Variants in LMBR1 observed in about 807,000 individuals in gnomAD.
The protein encoded by LMBR1 is limb region 1 protein homolog.
LMBR1 carries 52 observed loss-of-function variants against 73.9 expected under a neutral mutation model. The observed-to-expected ratio is 0.70, with a 90% CI of 0.56 to 0.89. LMBR1 has a LOEUF of 0.89. Among genes scored for constraint, LMBR1 ranks in the 40% least tolerant of loss-of-function variants. The pLI, the probability that LMBR1 is intolerant of heterozygous loss-of-function variation, is 0.00. For synonymous variants in LMBR1, 215 were observed against 209.4 expected, an observed-to-expected ratio of 1.03 and a Z score of -0.23; for missense variants, 539 against 579.8, an observed-to-expected ratio of 0.93 and a Z score of 0.72.
At chr7:156,891,209 AAAATATATAT>A (rs1475385185) in intron 1 of LMBR1, among the ~76,000 whole-genome samples, 53 of 89,346 alleles carry the variant, frequency 5.9e-4, no homozygotes, top group South Asian at 1.1e-3. Flanking sequence ...AAAAAAAAAA[AAAATATATAT>A]ATATATATAT....
At chr7:156,713,889 T>C (rs1302097062) in intron 15 of LMBR1, among the ~76,000 whole-genome samples, 1 of 152,206 alleles carries the variant, frequency 6.6e-6, no homozygotes, top group Admixed American at 6.5e-5. Context: ...AACTCTATAT[T>C]TTCTGTATTT....
chr7:156,695,616 G>A (rs1808118799), intron 15 of LMBR1, among the ~76,000 whole-genome samples: 2 of 152,006 alleles, frequency 1.3e-5, no homozygotes, highest in African/African-American at 2.4e-5. Flanking sequence ...AGCACCAAGG[G>A]GGATGGTGTT....
chr7:156,705,370 C>A (rs763485336), intron 15 of LMBR1, among the ~76,000 whole-genome samples: 4 of 152,172 alleles, frequency 2.6e-5, no homozygotes, highest in Non-Finnish European at 4.4e-5. Context: ...CCAGCCTGGA[C>A]AACATGGTAA....
At chr7:156,853,218 G>A (rs113602430) in intron 1 of LMBR1, among the ~76,000 whole-genome samples, 11,239 of 152,108 alleles carry the variant, frequency 0.074, 487 homozygotes, top group East Asian at 0.14. Context: ...AATTACAGGC[G>A]TGAGCCACCG....
chr7:156,830,871 G>A (rs1390316308), intron 3 of LMBR1, among the ~76,000 whole-genome samples: 1 of 152,212 alleles, frequency 6.6e-6, no homozygotes, highest in Non-Finnish European at 1.5e-5. Context: ...TGCCAGGACT[G>A]TGCTAGGCAC....
At chr7:156,725,877 C>T (rs1420565963) in intron 12 of LMBR1, 40 bp from the exon 13 acceptor site, 1 of 1,479,432 alleles carries the variant, frequency 6.8e-7, no homozygotes, top group South Asian at 1.2e-5. Flanking sequence ...TTTGATGACA[C>T]CATTATATTG....
At chr7:156,805,577 C>G (rs1047400883) in intron 4 of LMBR1, among the ~76,000 whole-genome samples, 2 of 152,186 alleles carry the variant, frequency 1.3e-5, no homozygotes, top group Admixed American at 1.3e-4. Flanking sequence ...GGTCAATCCT[C>G]TAACTTTGTT....
intron 4 of LMBR1, among the ~76,000 whole-genome samples, chr7:156,805,785 G>C (rs1477172603): frequency 6.6e-6 from 1 of 152,122 alleles, no homozygotes; most frequent in Admixed American, 6.5e-5. Flanking sequence ...ATTCATAACT[G>C]AAACCCTAAT....
chr7:156,686,993 T>C (rs1017074115), intron 16 of LMBR1, among the ~76,000 whole-genome samples: 3 of 152,252 alleles, frequency 2.0e-5, no homozygotes, highest in Admixed American at 6.5e-5. Context: ...CAATATTTGA[T>C]GAGCCATCCC....
chr7:156,766,707 C>A (rs148592168), intron 5 of LMBR1, among the ~76,000 whole-genome samples: 53 of 152,152 alleles, frequency 3.5e-4, no homozygotes, highest in Admixed American at 9.2e-4. Flanking sequence ...GGTGGGCAAG[C>A]AGGAGGAGCA....
intron 4 of LMBR1, among the ~76,000 whole-genome samples, chr7:156,798,748 T>C (rs778464935): frequency 6.6e-6 from 1 of 152,210 alleles, no homozygotes; most frequent in Admixed American, 6.5e-5. Flanking sequence ...AATCTATTGC[T>C]TTATTTAGGC....
At chr7:156,861,468 T>C (rs1797707795) in intron 1 of LMBR1, among the ~76,000 whole-genome samples, 1 of 152,226 alleles carries the variant, frequency 6.6e-6, no homozygotes, top group African/African-American at 2.4e-5. Flanking sequence ...CACAAAGGTC[T>C]CTGACATGCC....
chr7:156,780,211 T>C (rs1013865938), intron 5 of LMBR1, among the ~76,000 whole-genome samples: 2 of 152,204 alleles, frequency 1.3e-5, no homozygotes, highest in Non-Finnish European at 2.9e-5. Flanking sequence ...ACAAATATAC[T>C]TAATGTGGTC....
intron 1 of LMBR1, among the ~76,000 whole-genome samples, chr7:156,891,890 T>G (rs57869296): frequency 0.11 from 16,688 of 152,232 alleles, 1,184 homozygotes; most frequent in East Asian, 0.29. Context: ...TGATTCTCAA[T>G]TTTCAAGATC....
intron 4 of LMBR1, among the ~76,000 whole-genome samples, chr7:156,806,322 T>G (rs1718995088): frequency 6.6e-6 from 1 of 152,238 alleles, no homozygotes; most frequent in African/African-American, 2.4e-5. Flanking sequence ...TATATTGATC[T>G]TCTATCCTGC....
intron 5 of LMBR1, among the ~76,000 whole-genome samples, chr7:156,784,111 G>A (rs1827664876): frequency 6.6e-6 from 1 of 151,706 alleles, no homozygotes; most frequent in Non-Finnish European, 1.5e-5. Flanking sequence ...CAATACTGAG[G>A]ACTAGATATC....
intron 1 of LMBR1, among the ~76,000 whole-genome samples, chr7:156,856,878 G>C (rs1262254144): frequency 1.3e-5 from 2 of 151,996 alleles, no homozygotes; most frequent in Non-Finnish European, 2.9e-5. Flanking sequence ...ATGACAGCAA[G>C]AGGGGAACTA....
At chr7:156,709,896 ATTTTTTTTTT>A (rs34487923) in intron 15 of LMBR1, among the ~76,000 whole-genome samples, 5 of 90,354 alleles carry the variant, frequency 5.5e-5, no homozygotes, top group African/African-American at 2.4e-4. Context: ...CAGAAGGTTG[ATTTTTTTTTT>A]TTTTTTTTTT....
At chr7:156,818,019 A>C (rs1834199081) in intron 4 of LMBR1, among the ~76,000 whole-genome samples, 1 of 152,204 alleles carries the variant, frequency 6.6e-6, no homozygotes. Flanking sequence ...TCCAGTAACT[A>C]TCTTGATACA....
Sources: allele counts gnomAD v4.1 joint callset (sites outside exome capture counted in the v4.1 genomes callset), GRCh38; gene constraint gnomAD v4.1.1; transcripts MANE v1.5; gene names NCBI Gene and HGNC (gene_info 2026-07-23, HGNC 2026-07-21).